The following RELN variants were observed in gnomAD, a reference collection of about 807,000 sequenced individuals.
RELN encodes reelin.
Under a neutral mutation model 427.6 loss-of-function variants are expected in RELN, and 108 were observed. The observed-to-expected ratio is 0.25, with a 90% CI of 0.22 to 0.30. The LOEUF (loss-of-function observed/expected upper bound fraction) is 0.30, where lower values mean the gene tolerates loss of function less well. RELN is among the 10% of genes least tolerant of loss of function. The probability of loss-of-function intolerance (pLI) is 1.00; values close to 1 mark genes in which losing one functional copy is unlikely to be tolerated. For synonymous variants in RELN, 1,524 were observed against 1,513.4 expected, an observed-to-expected ratio of 1.01 and a Z score of -0.16; for missense variants, 3,715 against 4,302.8, an observed-to-expected ratio of 0.86 and a Z score of 3.82.
chr7:103,836,518 A>T (rs972611949), intron 2 of RELN, among the ~76,000 whole-genome samples: 1 of 152,086 alleles, frequency 6.6e-6, no homozygotes, highest in Non-Finnish European at 1.5e-5. Context: ...TAAGACTCTG[A>T]ATTTGCCTCT....
chr7:103,884,751 T>C (rs1794685027), intron 2 of RELN, among the ~76,000 whole-genome samples: 1 of 152,168 alleles, frequency 6.6e-6, no homozygotes, highest in Admixed American at 6.5e-5. Context: ...TCATCCCAGT[T>C]AGAACAGCAA....
chr7:103,963,003 G>C (rs1301174610), intron 1 of RELN, among the ~76,000 whole-genome samples: 1 of 152,158 alleles, frequency 6.6e-6, no homozygotes, highest in Admixed American at 6.5e-5. Flanking sequence ...GCTTTGCTAG[G>C]TGTGCCAGAG....
intron 6 of RELN, among the ~76,000 whole-genome samples, chr7:103,740,316 C>T (rs1028395022): frequency 1.3e-5 from 2 of 152,160 alleles, no homozygotes; most frequent in African/African-American, 4.8e-5. Flanking sequence ...TAAGCATGAA[C>T]AATTTCCAGA....
chr7:103,941,661 C>A (rs1796117529), intron 1 of RELN, among the ~76,000 whole-genome samples: 1 of 152,054 alleles, frequency 6.6e-6, no homozygotes, highest in Admixed American at 6.6e-5. Flanking sequence ...ACATCATCAT[C>A]CAGAAATCAC....
intron 2 of RELN, among the ~76,000 whole-genome samples, chr7:103,884,879 C>T (rs1223002292): frequency 2.0e-5 from 3 of 152,134 alleles, no homozygotes; most frequent in African/African-American, 7.2e-5. Context: ...GTGACGATTC[C>T]TCAGGGATCT....
chr7:103,676,783 G>T (rs112606736), intron 11 of RELN, among the ~76,000 whole-genome samples: 52 of 149,376 alleles, frequency 3.5e-4, no homozygotes, highest in Admixed American at 8.7e-4. Context: ...GCAAAATATC[G>T]CAAGGACAGA....
intron 2 of RELN, among the ~76,000 whole-genome samples, chr7:103,853,443 T>C (rs1793871786): frequency 1.3e-5 from 2 of 151,994 alleles, no homozygotes; most frequent in Admixed American, 1.3e-4. Context: ...ATGAGTATAT[T>C]TCTACCATAT....
Position 103,575,651 on chromosome 7 carries a change from T to G in RELN, c.4200A>C (p.Pro1400=). ...QESSSQKNVP[P]FGLDGVYISE... is the part of the protein sequence containing the mutation. ...ATATGTACACTCCATCTAAACCAAA[T>G]GGAGGCACGTTTTTCTGTGAGCTGC... is the stretch of plus-strand genomic sequence containing the variant. Residue 1400 remains proline, a synonymous_variant, in exon 29 of 65, where the codon CCA becomes CCC. Coordinates refer to ENST00000428762, the MANE Select transcript of RELN (RefSeq NM_005045.4). 1 of 1,614,120 alleles carries G rather than the reference T, an allele frequency of 6.2e-7. No homozygotes were observed. The highest frequency in any genetic ancestry group is 8.5e-7 in the Non-Finnish European group (1 of 1,180,004).
chr7:103,663,764 G>C (rs999522011), intron 11 of RELN, among the ~76,000 whole-genome samples: 2 of 152,144 alleles, frequency 1.3e-5, no homozygotes, highest in African/African-American at 4.8e-5. Flanking sequence ...TCCAAGCCCT[G>C]CAATGACCAC....
chr7:103,816,574 GCCTT>G (rs1792877258), intron 3 of RELN, among the ~76,000 whole-genome samples: 1 of 94,142 alleles, frequency 1.1e-5, no homozygotes, highest in Non-Finnish European at 2.5e-5. Context: ...CACAACTAAG[GCCTT>G]CCTTCAGGAT....
rs760168751 is a variant in RELN at position 103,749,417 on chromosome 7, G to A, written c.656+9C>T. The stretch of plus-strand genomic sequence containing the variant: ...GCAAACCAAAGTGAGGAATGTTCCT[G>A]TAACTTACCATATATTTGGATTTAA... On this transcript the variant is annotated intron_variant, in intron 6 of 64. Transcript: ENST00000428762. 1.9e-5 allele frequency: 30 copies of A among 1,606,712 alleles called. No individual in the cohort carries two copies. Among genetic ancestry groups the A allele is most frequent in the Non-Finnish European group, 2.6e-5 (30 of 1,173,408 alleles).
intron 3 of RELN, among the ~76,000 whole-genome samples, chr7:103,779,129 T>C (rs1247428299): frequency 6.6e-6 from 1 of 152,168 alleles, no homozygotes; most frequent in Admixed American, 6.5e-5. Flanking sequence ...CATCAGCAGT[T>C]TTCCAAATGT....
chr7:103,686,806 C>T (rs1833774262), intron 10 of RELN, among the ~76,000 whole-genome samples: 1 of 152,086 alleles, frequency 6.6e-6, no homozygotes, highest in Admixed American at 6.6e-5. Flanking sequence ...GACTTTCATG[C>T]TATATTAAAA....
intron 43 of RELN, among the ~76,000 whole-genome samples, chr7:103,542,224 T>C (rs1336980526): frequency 1.3e-5 from 2 of 152,200 alleles, no homozygotes; most frequent in Non-Finnish European, 2.9e-5. Flanking sequence ...ATTGGAAAGA[T>C]GCTTATAAAG....
In RELN at chr7:103,583,161, C is replaced by CA. The variant is rs1468088334; in HGVS notation, c.4145+6434dup. Among the ~76,000 whole-genome samples the CA allele has an allele frequency of 2.6e-5, 4 of 152,254 alleles. No individual in the cohort carries two copies. The East Asian group carries it at 7.7e-4, about 29-fold the overall frequency. ...TTGTTGAATGGCAATAATGAGCATCCAAACCATATGCTATTCTCTCTGAGA... is the reference window on the plus strand; with the variant it reads ...TTGTTGAATGGCAATAATGAGCATCCAAAACCATATGCTATTCTCTCTGAGA... On this transcript the variant is annotated intron_variant, in intron 28 of 64. Transcript: ENST00000428762.
intron 46 of RELN, among the ~76,000 whole-genome samples, chr7:103,531,500 A>G (rs551621644): frequency 5.0e-4 from 76 of 152,264 alleles, no homozygotes; most frequent in African/African-American, 1.8e-3. Context: ...CTTCCTAGTT[A>G]GGAGCACCAG....
Position 103,526,901 on chromosome 7 carries a change from G to A in RELN, c.7350-3370C>T, listed in dbSNP as rs1829833949. On this transcript the variant is annotated intron_variant, in intron 46 of 64. Coordinates refer to ENST00000428762, the MANE Select transcript of RELN (RefSeq NM_005045.4). Reference sequence around the variant, plus strand: ...ATCAGCTGCTACTTCCCGGAGTTGGGGGAAAAATGGTCCCAGAGAAGATTT... The same window carrying A: ...ATCAGCTGCTACTTCCCGGAGTTGGAGGAAAAATGGTCCCAGAGAAGATTT... 2.5e-4 allele frequency among the ~76,000 whole-genome samples: 38 copies of A among 151,920 alleles called. 1 individual carries two copies. Among genetic ancestry groups the A allele is most frequent in the Admixed American group, 2.5e-3 (38 of 15,262 alleles).
intron 40 of RELN, among the ~76,000 whole-genome samples, chr7:103,552,741 C>T (rs911619262): frequency 2.0e-5 from 3 of 152,016 alleles, no homozygotes; most frequent in African/African-American, 7.2e-5. Context: ...ACCTCATGAT[C>T]TGCCTGCCTT....
rs1400785117 is a variant in RELN at position 103,816,237 on chromosome 7, G to C, written c.473+17300C>G. 2.0e-5 allele frequency among the ~76,000 whole-genome samples: 3 copies of C among 152,032 alleles called. No homozygotes were observed. The East Asian group carries it at 5.8e-4, about 29-fold the overall frequency. On this transcript the variant is annotated intron_variant, in intron 3 of 64. Coordinates refer to ENST00000428762, the MANE Select transcript of RELN (RefSeq NM_005045.4). ...CTAGTAAACATACAAAAATTGGCTG[G>C]GCATGCTGGCACACACCTGTAATCC...
Sources: gnomAD v4.1 joint callset for allele counts (sites outside exome capture counted in the v4.1 genomes callset) on GRCh38, gnomAD v4.1.1 for gene constraint, MANE v1.5 for transcripts, NCBI Gene and HGNC (gene_info 2026-07-23, HGNC 2026-07-21) for gene names.